The following TNS3 variants were observed in gnomAD, a reference collection of about 807,000 sequenced individuals.
TNS3 encodes tensin 3, also known as tensin-3.
In TNS3, 45 loss-of-function variants were observed where a neutral mutation model predicts 140.9. The observed-to-expected ratio is 0.32, with a 90% confidence interval of 0.25 to 0.41. TNS3 has a LOEUF of 0.41. TNS3 is among the 10% of genes least tolerant of loss of function. The pLI is 1.00. For synonymous variants in TNS3, 815 were observed against 788.4 expected, an observed-to-expected ratio of 1.03 and a Z score of -0.56; for missense variants, 1,716 against 1,906.7, an observed-to-expected ratio of 0.90 and a Z score of 1.86.
chr7:47,418,892 T>C (rs958850384), intron 10 of TNS3, among the ~76,000 whole-genome samples: 6 of 152,262 alleles, frequency 3.9e-5, no homozygotes, highest in Non-Finnish European at 8.8e-5. Flanking sequence ...TGTTACTTTT[T>C]CCAAGCAACA....
chr7:47,487,221 C>T (rs1031172490), intron 3 of TNS3, among the ~76,000 whole-genome samples: 4 of 152,026 alleles, frequency 2.6e-5, no homozygotes, highest in Admixed American at 6.5e-5. Flanking sequence ...ATTGCTTGAA[C>T]CTGGGAGGTT....
intron 8 of TNS3, among the ~76,000 whole-genome samples, chr7:47,432,354 T>C (rs558679629): frequency 1.3e-5 from 2 of 152,300 alleles, no homozygotes; most frequent in Admixed American, 6.5e-5. Context: ...CGCCATGTGA[T>C]GCCCCATGCA....
intron 3 of TNS3, among the ~76,000 whole-genome samples, chr7:47,495,463 C>A (rs1445840338): frequency 6.6e-6 from 1 of 152,130 alleles, no homozygotes; most frequent in Non-Finnish European, 1.5e-5. Flanking sequence ...CACAGGGCCA[C>A]GACCCCCGCC....
chr7:47,300,347 C>T (rs1786322766), intron 23 of TNS3, among the ~76,000 whole-genome samples: 1 of 152,180 alleles, frequency 6.6e-6, no homozygotes, highest in African/African-American at 2.4e-5. Flanking sequence ...CACATGTTGG[C>T]CATCCTGAGA....
chr7:47,494,853 GA>G (rs1441511909), intron 3 of TNS3, among the ~76,000 whole-genome samples: 1 of 152,142 alleles, frequency 6.6e-6, no homozygotes. Context: ...CAAAAGGGGG[GA>G]AGGGGAAACC....
At position 47,565,511 on chromosome 7, in the gene TNS3, C is replaced by G. The variant is rs1027262931; in HGVS notation, c.-265+16540G>C. ...CTTCCCGAGTAGCTGGAACTACAGG[C>G]GCACACCATATGCCCAGCTGATTTT... On this transcript the variant is annotated intron_variant, in intron 1 of 30. Transcript: ENST00000311160. 3.7e-4 allele frequency among the ~76,000 whole-genome samples: 57 copies of G among 152,030 alleles called. 2 individuals are homozygous for G. Among genetic ancestry groups the G allele is most frequent in the African/African-American group, 1.1e-3 (44 of 41,454 alleles).
At chr7:47,333,151 C>T (rs1045037125) in intron 20 of TNS3, among the ~76,000 whole-genome samples, 3 of 151,976 alleles carry the variant, frequency 2.0e-5, no homozygotes, top group African/African-American at 7.3e-5. Context: ...TTCATGTTCT[C>T]ATCTCAAAAG....
rs201941233 is a variant in TNS3 at position 47,346,200 on chromosome 7, G to T, written c.2438C>A (p.Ala813Glu). The T allele has an allele frequency of 6.2e-7, 1 of 1,614,002 alleles. No homozygotes were observed. The highest frequency in any genetic ancestry group is 8.5e-7 in the Non-Finnish European group (1 of 1,179,970). Residue 813 changes from alanine (A) to glutamate (E), a missense_variant, in exon 18 of 31, where the codon GCG becomes GAG. By Grantham distance (107) the Ala-to-Glu change is moderately radical. Coordinates refer to ENST00000311160, the MANE Select transcript of TNS3 (RefSeq NM_022748.12). Reference sequence around the variant, plus strand: ...TGTGGCACATACCTCTTTGACGTCCGCTGGTGAGGGGAATGGCGGCAGGTT... The same window carrying T: ...TGTGGCACATACCTCTTTGACGTCCTCTGGTGAGGGGAATGGCGGCAGGTT... ...APNLPPFPSP[A>E]DVKETMTPGY...
intron 20 of TNS3, among the ~76,000 whole-genome samples, chr7:47,334,866 T>A (rs927128913): frequency 1.3e-5 from 2 of 152,090 alleles, no homozygotes; most frequent in African/African-American, 4.8e-5. Context: ...CTTGGCCTCC[T>A]AAGGTGCTGG....
intron 16 of TNS3, among the ~76,000 whole-genome samples, chr7:47,388,101 C>T (rs932755911): frequency 6.6e-6 from 1 of 152,146 alleles, no homozygotes; most frequent in Non-Finnish European, 1.5e-5. Context: ...ATTCAGGCCC[C>T]CTACTCCTAC....
intron 10 of TNS3, among the ~76,000 whole-genome samples, chr7:47,416,823 C>T (rs1238641926): frequency 6.6e-6 from 1 of 152,164 alleles, no homozygotes; most frequent in Non-Finnish European, 1.5e-5. Flanking sequence ...CCTTTGGCTC[C>T]CTGGTTTTGA....
chr7:47,527,834 G>A (rs1278093110), intron 2 of TNS3, among the ~76,000 whole-genome samples: 1 of 151,938 alleles, frequency 6.6e-6, no homozygotes, highest in Non-Finnish European at 1.5e-5. Flanking sequence ...CTTGGGCCAG[G>A]AGGTCAAGGC....
intron 4 of TNS3, chr7:47,470,363 T>G: frequency 1.2e-6 from 1 of 815,690 alleles, no homozygotes; most frequent in Non-Finnish European, 1.5e-6. Flanking sequence ...AAAAACAACT[T>G]TAAAAATCTT....
At chr7:47,430,679 C>G (rs1434728760) in intron 8 of TNS3, among the ~76,000 whole-genome samples, 1 of 151,968 alleles carries the variant, frequency 6.6e-6, no homozygotes. Context: ...GGCCACAAAA[C>G]AAACCTTAAC....
chr7:47,394,649 C>T (rs990573070), intron 16 of TNS3, among the ~76,000 whole-genome samples: 2 of 152,222 alleles, frequency 1.3e-5, no homozygotes, highest in African/African-American at 4.8e-5. Flanking sequence ...GGCAAGTCCT[C>T]CACATGTATG....
chr7:47,435,401 T>G lies in TNS3; in HGVS notation c.205A>C (p.Met69Leu), dbSNP rs1465545342. The G allele has an allele frequency of 6.2e-7, 1 of 1,613,508 alleles. No individual in the cohort carries two copies. Among genetic ancestry groups the G allele is most frequent in the Non-Finnish European group, 8.5e-7 (1 of 1,179,988 alleles). Residue 69 changes from methionine (M) to leucine (L), a missense_variant, in exon 8 of 31, where the codon ATG (methionine) becomes CTG (leucine). By Grantham distance (15) the Met-to-Leu change is conservative. Transcript: ENST00000311160. ...YDLTKLNPKI[M>L]DVGWPELHAP... ...TGGAGCTCTGGCCAGCCCACATCCA[T>G]GATCTGCAACAAGAAAGGGGAGCTT...
At chr7:47,317,320 C>T (rs1404873067) in intron 20 of TNS3, among the ~76,000 whole-genome samples, 2 of 152,210 alleles carry the variant, frequency 1.3e-5, no homozygotes, top group African/African-American at 4.8e-5. Flanking sequence ...GACCATGCCA[C>T]AGTCTTCCTT....
At chr7:47,428,291 G>A (rs576117664) in intron 9 of TNS3, 21 bp downstream of exon 9, 21 of 1,408,616 alleles carry the variant, frequency 1.5e-5, no homozygotes, top group Middle Eastern at 1.9e-4. Context: ...TCAAGACAGC[G>A]AGCTGACATC....
chr7:47,578,561 G>T (rs193142089), intron 1 of TNS3, among the ~76,000 whole-genome samples: 5 of 135,186 alleles, frequency 3.7e-5, no homozygotes, highest in Non-Finnish European at 7.4e-5. Context: ...CAGGGGGTTG[G>T]GGGGGGGCGG....
Sources: allele counts gnomAD v4.1 joint callset (sites outside exome capture counted in the v4.1 genomes callset), GRCh38; gene constraint gnomAD v4.1.1; transcripts MANE v1.5; gene names NCBI Gene and HGNC (gene_info 2026-07-23, HGNC 2026-07-21).